Variants in CACNA2D3 observed in about 807,000 individuals in gnomAD.
The protein encoded by CACNA2D3 is calcium voltage-gated channel auxiliary subunit alpha2delta 3.
Under a neutral mutation model 160.6 loss-of-function variants are expected in CACNA2D3, and 60 were observed. That is an observed-to-expected ratio of 0.37 (90% CI 0.30 to 0.46). CACNA2D3 has a LOEUF of 0.46. Among genes scored for constraint, CACNA2D3 ranks in the 20% least tolerant of loss-of-function variants. The pLI, the probability that CACNA2D3 is intolerant of heterozygous loss-of-function variation, is 1.00. For synonymous variants in CACNA2D3, 558 were observed against 492.9 expected, an observed-to-expected ratio of 1.13 and a Z score of -1.75; for missense variants, 1,205 against 1,365.0, an observed-to-expected ratio of 0.88 and a Z score of 1.85.
At chr3:54,185,120 G>A (rs552391023) in intron 2 of CACNA2D3, among the ~76,000 whole-genome samples, 2 of 152,312 alleles carry the variant, frequency 1.3e-5, no homozygotes, top group African/African-American at 4.8e-5. Flanking sequence ...TTAGAAGGTT[G>A]AAGTAATGGA....
At chr3:54,237,723 G>A (rs893718230) in intron 2 of CACNA2D3, among the ~76,000 whole-genome samples, 12 of 152,094 alleles carry the variant, frequency 7.9e-5, no homozygotes, top group African/African-American at 2.9e-4. Context: ...TCTGTTGTCA[G>A]CATGGGCTGC....
At chr3:54,534,168 TCTTG>T (rs753459851) in intron 5 of CACNA2D3, among the ~76,000 whole-genome samples, 2 of 152,166 alleles carry the variant, frequency 1.3e-5, no homozygotes, top group Non-Finnish European at 2.9e-5. Context: ...AAGTGACAGT[TCTTG>T]CTTGCACCTC....
intron 29 of CACNA2D3, 110 bp downstream of exon 29, chr3:54,969,954 C>T: frequency 1.3e-6 from 1 of 744,398 alleles, no homozygotes; most frequent in Non-Finnish European, 2.1e-6. Flanking sequence ...ACGCATTGTA[C>T]TGGGCCAATC....
chr3:54,543,135 C>T (rs1259588503), intron 5 of CACNA2D3, among the ~76,000 whole-genome samples: 1 of 152,194 alleles, frequency 6.6e-6, no homozygotes, highest in Admixed American at 6.5e-5. Context: ...AAATCTCACT[C>T]ATGAAAACAG....
intron 2 of CACNA2D3, among the ~76,000 whole-genome samples, chr3:54,224,959 A>G (rs1333593432): frequency 3.1e-5 from 2 of 64,432 alleles, no homozygotes; most frequent in Non-Finnish European, 3.0e-5. Flanking sequence ...TTTTTTTTTT[A>G]CTTTATATAT....
chr3:54,852,809 AACTAG>A (rs775153569), intron 17 of CACNA2D3, among the ~76,000 whole-genome samples: 79 of 152,214 alleles, frequency 5.2e-4, no homozygotes, highest in Non-Finnish European at 1.0e-3. Flanking sequence ...GTTAAATGCT[AACTAG>A]ACAGTGCACA....
chr3:54,963,800 A>G (rs1301555023), intron 27 of CACNA2D3, among the ~76,000 whole-genome samples: 2 of 152,278 alleles, frequency 1.3e-5, no homozygotes, highest in East Asian at 1.9e-4. Context: ...CAATACACCT[A>G]TCACCCAGCA....
chr3:55,008,200 C>T (rs574063802), intron 33 of CACNA2D3, among the ~76,000 whole-genome samples: 3 of 152,330 alleles, frequency 2.0e-5, no homozygotes, highest in African/African-American at 7.2e-5. Context: ...TCCACCATGC[C>T]ACTTTGGCTG....
At chr3:54,163,311 G>C (rs1457138155) in intron 2 of CACNA2D3, among the ~76,000 whole-genome samples, 3 of 152,206 alleles carry the variant, frequency 2.0e-5, no homozygotes, top group African/African-American at 7.2e-5. Flanking sequence ...CTTAAGGAAT[G>C]GCTACCTACA....
At chr3:54,749,169 G>T (rs541918652) in intron 11 of CACNA2D3, among the ~76,000 whole-genome samples, 1 of 152,212 alleles carries the variant, frequency 6.6e-6, no homozygotes, top group East Asian at 1.9e-4. Context: ...AATTTATGAA[G>T]TAAAAAGTAT....
chr3:55,024,296 G>A (rs1703518811), intron 35 of CACNA2D3, among the ~76,000 whole-genome samples: 1 of 151,576 alleles, frequency 6.6e-6, no homozygotes, highest in South Asian at 2.1e-4. Flanking sequence ...GTGAGAAAAT[G>A]TGTGTTGTGA....
intron 2 of CACNA2D3, among the ~76,000 whole-genome samples, chr3:54,170,024 C>T (rs1420007666): frequency 6.6e-6 from 1 of 151,784 alleles, no homozygotes; most frequent in Admixed American, 6.6e-5. Flanking sequence ...TCCGTCACTA[C>T]TAAAAATACA....
intron 34 of CACNA2D3, 50 bp from the exon 35 acceptor site, chr3:55,018,156 G>T: frequency 1.7e-6 from 2 of 1,186,598 alleles, no homozygotes; most frequent in East Asian, 2.4e-5. Context: ...TCACAATTTT[G>T]AGCCTGTGCC....
intron 2 of CACNA2D3, among the ~76,000 whole-genome samples, chr3:54,169,082 G>T (rs1427895232): frequency 6.6e-6 from 1 of 152,190 alleles, no homozygotes; most frequent in Non-Finnish European, 1.5e-5. Context: ...TGCTTATCCT[G>T]AGTCTGCTTG....
At chr3:54,978,544 G>C (rs908678613) in intron 29 of CACNA2D3, among the ~76,000 whole-genome samples, 6 of 152,208 alleles carry the variant, frequency 3.9e-5, no homozygotes, top group Non-Finnish European at 5.9e-5. Flanking sequence ...AAAACATTTA[G>C]TAAGCTTGTC....
chr3:54,441,101 C>A lies in CACNA2D3; in HGVS notation c.381+54327C>A, dbSNP rs200354342. ...TGGTTGAACTAGTTTACAGTCCCAC[C>A]AACAGTGTAAAAGTGTTCCTATTTC... is the stretch of plus-strand genomic sequence containing the variant. On this transcript the variant is annotated intron_variant, in intron 4 of 37. Transcript: ENST00000474759. Among the ~76,000 whole-genome samples the A allele has an allele frequency of 6.1e-4, 93 of 152,244 alleles. No individual in the cohort carries two copies. The East Asian group carries it at 0.016, about 26-fold the overall frequency.
chr3:54,647,063 T>C (rs1699666305), intron 11 of CACNA2D3, among the ~76,000 whole-genome samples: 2 of 152,146 alleles, frequency 1.3e-5, no homozygotes, highest in South Asian at 4.1e-4. Flanking sequence ...AAGAAATGAA[T>C]TCTGCCAACA....
intron 5 of CACNA2D3, among the ~76,000 whole-genome samples, chr3:54,510,813 G>C (rs1701447441): frequency 6.6e-6 from 1 of 152,156 alleles, no homozygotes; most frequent in African/African-American, 2.4e-5. Context: ...GCATCCAGCA[G>C]AACACCTGGC....
At chr3:54,346,476 C>T (rs1375751699) in intron 3 of CACNA2D3, among the ~76,000 whole-genome samples, 1 of 152,170 alleles carries the variant, frequency 6.6e-6, no homozygotes, top group African/African-American at 2.4e-5. Flanking sequence ...ATTTGTTTGA[C>T]ATGGCATAAT....
Sources: allele counts gnomAD v4.1 joint callset (sites outside exome capture counted in the v4.1 genomes callset), GRCh38; gene constraint gnomAD v4.1.1; transcripts MANE v1.5; gene names NCBI Gene and HGNC (gene_info 2026-07-23, HGNC 2026-07-21).